The following ALDH1L2 variants were observed in gnomAD, a reference collection of about 807,000 sequenced individuals.
ALDH1L2 encodes mitochondrial 10-formyltetrahydrofolate dehydrogenase.
In ALDH1L2, 91 loss-of-function variants were observed where a neutral mutation model predicts 111.0. The observed-to-expected ratio is 0.82, with a 90% CI of 0.69 to 0.98. ALDH1L2 has a LOEUF of 0.98. Among genes scored for constraint, ALDH1L2 ranks in the 50% least tolerant of loss-of-function variants. The pLI, the probability that ALDH1L2 is intolerant of heterozygous loss-of-function variation, is 0.00. For missense variants in ALDH1L2, 995 were observed against 1,126.8 expected (o/e 0.88, Z 1.67); for synonymous variants, 374 against 392.6 (o/e 0.95, Z 0.56).
At chr12:105,033,242 T>C (rs6539179) in intron 19 of ALDH1L2, among the ~76,000 whole-genome samples, 89,329 of 151,832 alleles carry the variant, frequency 0.59, 27,109 homozygotes, top group East Asian at 0.81. Context: ...ATGCTGCTGA[T>C]GAATGAATAT....
chr12:105,051,124 T>G (rs1876233531), intron 12 of ALDH1L2, among the ~76,000 whole-genome samples: 1 of 152,188 alleles, frequency 6.6e-6, no homozygotes, highest in Non-Finnish European at 1.5e-5. Context: ...ACACATCAAG[T>G]GGATATAAAA....
chr12:105,045,338 G>A (rs1354997493), intron 15 of ALDH1L2, among the ~76,000 whole-genome samples: 4 of 152,136 alleles, frequency 2.6e-5, no homozygotes, highest in Admixed American at 2.6e-4. Context: ...ACCCGCCTTG[G>A]CCTCCCAAAG....
At chr12:105,037,055 A>C (rs560464391) in intron 18 of ALDH1L2, among the ~76,000 whole-genome samples, 2 of 152,164 alleles carry the variant, frequency 1.3e-5, no homozygotes, top group Non-Finnish European at 2.9e-5. Flanking sequence ...GCCAATGGTG[A>C]ACAGAGTCTG....
At chr12:105,061,310 TC>T (rs1876990166) in intron 8 of ALDH1L2, among the ~76,000 whole-genome samples, 1 of 152,104 alleles carries the variant, frequency 6.6e-6, no homozygotes, top group African/African-American at 2.4e-5. Flanking sequence ...TTCTACATGC[TC>T]CTTTGCCCTT....
intron 2 of ALDH1L2, among the ~76,000 whole-genome samples, chr12:105,071,555 G>A (rs1411012056): frequency 7.4e-6 from 1 of 134,604 alleles, no homozygotes; most frequent in Non-Finnish European, 1.5e-5. Context: ...TTTTTACTGT[G>A]TGCCTTATAT....
chr12:105,039,643 C>T, intron 17 of ALDH1L2, 70 bp downstream of exon 17: 1 of 1,294,580 alleles, frequency 7.7e-7, no homozygotes, highest in Non-Finnish European at 1.1e-6. Flanking sequence ...TCAAAAAGTA[C>T]CCTGTTTAAA....
At chr12:105,050,086 C>T (rs1876159901) in intron 12 of ALDH1L2, 28 bp from the exon 13 acceptor site, 2 of 1,549,838 alleles carry the variant, frequency 1.3e-6, no homozygotes, top group Non-Finnish European at 1.7e-6. Flanking sequence ...GAAATAAATT[C>T]AACAAGTATT....
chr12:105,084,334 A>T (rs1878487415), intron 1 of ALDH1L2, 55 bp downstream of exon 1: 10 of 1,224,968 alleles, frequency 8.2e-6, no homozygotes, highest in Non-Finnish European at 1.1e-5. Flanking sequence ...CCCGCCCCGG[A>T]GTCTGGAAAC....
rs142517159 is a variant in ALDH1L2, at chr12:105,069,431, C to A, written c.429-547G>T. ...TTACTTTTGAGCTACAAATCAAGAC[C>A]TAAATCAATCCATCAATCACTAACT... is the stretch of plus-strand genomic sequence containing the variant. On this transcript the variant is annotated intron_variant, in intron 3 of 22. Transcript: ENST00000258494. Among the ~76,000 whole-genome samples the A allele has an allele frequency of 1.0e-3, 158 of 152,236 alleles. 1 individual carries two copies. The highest frequency in any genetic ancestry group is 3.4e-3 in the African/African-American group (142 of 41,534).
chr12:105,036,123 ATATT>A (rs1478001360), intron 18 of ALDH1L2, among the ~76,000 whole-genome samples: 2 of 68,620 alleles, frequency 2.9e-5, no homozygotes, highest in Admixed American at 1.7e-4. Context: ...ATGTGTATAT[ATATT>A]ATATATATAC....
rs769944865 is a variant in ALDH1L2 at position 105,046,690 on chromosome 12, C to T, written c.1863+20G>A. 1 of 1,605,612 alleles carries T rather than the reference C, an allele frequency of 6.2e-7. No homozygotes were observed. Among genetic ancestry groups the T allele is most frequent in the Non-Finnish European group, 8.5e-7 (1 of 1,172,662 alleles). ...TATAAGAGAGGAGGCAATTCTGCACCTGGCCCTTTGTGGCCTTACCTGTGC... is the reference window on the plus strand; with the variant it reads ...TATAAGAGAGGAGGCAATTCTGCACTTGGCCCTTTGTGGCCTTACCTGTGC... On this transcript the variant is annotated intron_variant, in intron 15 of 22. Transcript: ENST00000258494.
intron 1 of ALDH1L2, among the ~76,000 whole-genome samples, chr12:105,075,382 C>T (rs573676192): frequency 6.6e-6 from 1 of 152,272 alleles, no homozygotes; most frequent in African/African-American, 2.4e-5. Flanking sequence ...GTCGGGAGTT[C>T]AAGACCAGCC....
chr12:105,035,872 C>A, intron 18 of ALDH1L2, among the ~76,000 whole-genome samples: 1 of 124,022 alleles, frequency 8.1e-6, no homozygotes, highest in Admixed American at 8.1e-5. Flanking sequence ...TGTGTATACA[C>A]ACACACATAT....
At chr12:105,071,117 A>G (rs1455356304) in intron 2 of ALDH1L2, among the ~76,000 whole-genome samples, 1 of 152,228 alleles carries the variant, frequency 6.6e-6, no homozygotes, top group Non-Finnish European at 1.5e-5. Flanking sequence ...CATTTTAAGA[A>G]CATAGCTTTA....
intron 10 of ALDH1L2, among the ~76,000 whole-genome samples, chr12:105,054,118 G>A (rs894572627): frequency 4.6e-5 from 7 of 152,150 alleles, no homozygotes; most frequent in Non-Finnish European, 1.0e-4. Flanking sequence ...GGAGCAAACT[G>A]TGGCTTAGGG....
At chr12:105,038,781 T>A (rs539297811) in intron 17 of ALDH1L2, among the ~76,000 whole-genome samples, 5 of 152,366 alleles carry the variant, frequency 3.3e-5, no homozygotes, top group Admixed American at 6.5e-5. Flanking sequence ...TTTGCTTTTC[T>A]GCTTTCTATG....
chr12:105,064,741 C>G (rs940994449), intron 6 of ALDH1L2, among the ~76,000 whole-genome samples: 14 of 152,180 alleles, frequency 9.2e-5, no homozygotes, highest in Non-Finnish European at 1.9e-4. Flanking sequence ...AACCTGAGAG[C>G]CTGGGCTGAG....
chr12:105,047,909 T>A (rs1226030044), intron 13 of ALDH1L2: 1 of 152,240 alleles, frequency 6.6e-6, no homozygotes, highest in African/African-American at 2.4e-5. Flanking sequence ...ATTTATTCAC[T>A]GAAACATTTG....
rs752958393 is a variant in ALDH1L2 at position 105,026,706 on chromosome 12, T to A, written c.2555A>T (p.Glu852Val). 1.9e-6 allele frequency: 3 copies of A among 1,614,206 alleles called. No homozygotes were observed. The highest frequency in any genetic ancestry group is 1.7e-5 in the Admixed American group (1 of 60,024). ...DGVLQRANST[E>V]YGLASGVFTR... The stretch of plus-strand genomic sequence containing the variant: ...AAAAACCCCTGAGGCCAAACCATAC[T>A]CTGTACTATTTGCTCGCTGCAACAC... The change falls in exon 22 of 23, where the codon GAG (glutamate) becomes GTG (valine). Residue 852 changes from glutamate to valine, a missense_variant. Glu to Val is a moderately radical substitution (Grantham distance 121). Coordinates refer to ENST00000258494, the MANE Select transcript of ALDH1L2 (RefSeq NM_001034173.4).
Sources: allele counts gnomAD v4.1 joint callset (sites outside exome capture counted in the v4.1 genomes callset), GRCh38; gene constraint gnomAD v4.1.1; transcripts MANE v1.5; gene names NCBI Gene and HGNC (gene_info 2026-07-23, HGNC 2026-07-21).